HPSE2: variants seen among roughly 807,000 people sequenced by gnomAD.
HPSE2 encodes inactive heparanase-2.
HPSE2 carries 38 observed loss-of-function variants against 60.5 expected under a neutral mutation model. The observed-to-expected ratio is 0.63, with a 90% confidence interval of 0.48 to 0.82. The LOEUF (loss-of-function observed/expected upper bound fraction) is 0.82. Ranked by LOEUF, HPSE2 falls within the 40% of genes least tolerant of loss-of-function variation. The pLI is 0.00. For missense variants in HPSE2, 713 were observed against 740.4 expected (o/e 0.96, Z 0.43); for synonymous variants, 295 against 293.2 (o/e 1.01, Z -0.06).
the HPSE2 span, among the ~76,000 whole-genome samples, chr10:99,244,167 G>A: frequency 4.0e-5 from 6 of 151,164 alleles, no homozygotes; most frequent in East Asian, 2.0e-4. Context: ...ACAAGCGCCC[G>A]CCACCGTGCC....
chr10:98,695,600 C>T (rs1299499992), intron 5 of HPSE2, among the ~76,000 whole-genome samples: 1 of 152,160 alleles, frequency 6.6e-6, no homozygotes, highest in East Asian at 1.9e-4. Flanking sequence ...TTCCCTATTG[C>T]CTAGAGAAGT....
intron 3 of HPSE2, among the ~76,000 whole-genome samples, chr10:98,763,029 TAG>T (rs1269121119): frequency 6.6e-6 from 1 of 152,082 alleles, no homozygotes; most frequent in Non-Finnish European, 1.5e-5. Flanking sequence ...ATGAAAATTT[TAG>T]AGCTAAAATA....
At chr10:98,546,599 A>G (rs1047539862) in intron 9 of HPSE2, among the ~76,000 whole-genome samples, 2 of 151,700 alleles carry the variant, frequency 1.3e-5, no homozygotes, top group South Asian at 2.1e-4. Flanking sequence ...CTGGCTAGCC[A>G]TATGTAGAAA....
chr10:98,892,463 T>C (rs1181700588), intron 3 of HPSE2, among the ~76,000 whole-genome samples: 2 of 152,206 alleles, frequency 1.3e-5, no homozygotes, highest in Admixed American at 1.3e-4. Context: ...TGAGTGCTTA[T>C]CATGTTCAAG....
chr10:98,723,888 A>G (rs894155771), intron 4 of HPSE2, among the ~76,000 whole-genome samples: 3 of 151,524 alleles, frequency 2.0e-5, no homozygotes, highest in African/African-American at 7.3e-5. Flanking sequence ...GCGGTCTATC[A>G]ATTTTGTTGA....
At chr10:99,151,751 A>G (rs886313745) in intron 2 of HPSE2, among the ~76,000 whole-genome samples, 3 of 152,154 alleles carry the variant, frequency 2.0e-5, no homozygotes, top group Admixed American at 2.0e-4. Flanking sequence ...CTCTTAAAAA[A>G]AAATAAAGGA....
chr10:98,494,955 A>C lies in HPSE2; in HGVS notation c.1321-4759T>G, dbSNP rs1941781033. Among the ~76,000 whole-genome samples the C allele has an allele frequency of 3.3e-5, 5 of 152,218 alleles. No individual in the cohort carries two copies. In the South Asian group the frequency reaches 1.0e-3, roughly 32 times the overall value. ...ATAATGCCAGCTTGTATATTTGCTC[A>C]TATACTTAATATTTATTGAGATCTT... On this transcript the variant is annotated intron_variant, in intron 9 of 11. Coordinates refer to ENST00000370552, the MANE Select transcript of HPSE2 (RefSeq NM_021828.5).
At chr10:99,225,911 G>T (rs970884069) in intron 2 of HPSE2, among the ~76,000 whole-genome samples, 1 of 151,896 alleles carries the variant, frequency 6.6e-6, no homozygotes, top group Non-Finnish European at 1.5e-5. Context: ...AAGAAAAATA[G>T]ATTAGAATGT....
intron 3 of HPSE2, among the ~76,000 whole-genome samples, chr10:98,800,977 CA>C (rs373297710): frequency 6.6e-6 from 1 of 152,076 alleles, no homozygotes; most frequent in Admixed American, 6.5e-5. Context: ...AAATCCTCAA[CA>C]AAATACTAGC....
the HPSE2 span, among the ~76,000 whole-genome samples, chr10:99,305,727 C>A: frequency 1.2e-3 from 184 of 151,678 alleles, 5 homozygotes; most frequent in East Asian, 0.035. Context: ...ATACCTATGA[C>A]TTATATATAT....
At chr10:98,918,377 C>T (rs1210465124) in intron 3 of HPSE2, among the ~76,000 whole-genome samples, 1 of 151,808 alleles carries the variant, frequency 6.6e-6, no homozygotes, top group Non-Finnish European at 1.5e-5. Flanking sequence ...GACACATGCA[C>T]ACGTATGTTT....
chr10:99,033,929 A>G (rs1957554105), intron 3 of HPSE2, among the ~76,000 whole-genome samples: 1 of 152,236 alleles, frequency 6.6e-6, no homozygotes, highest in Non-Finnish European at 1.5e-5. Flanking sequence ...TCCTATAAAC[A>G]CACACTTACA....
intron 6 of HPSE2, among the ~76,000 whole-genome samples, chr10:98,661,457 T>A (rs75376494): frequency 0.041 from 6,315 of 152,306 alleles, 169 homozygotes; most frequent in Middle Eastern, 0.071. Flanking sequence ...TGACTTTATT[T>A]CCCTCCTTGG....
intron 3 of HPSE2, among the ~76,000 whole-genome samples, chr10:98,938,540 A>T (rs558501633): frequency 7.0e-6 from 1 of 143,658 alleles, no homozygotes; most frequent in Non-Finnish European, 1.5e-5. Context: ...GTTTAGAGAA[A>T]AAAGAATAAA....
chr10:99,287,176 C>T, the HPSE2 span, among the ~76,000 whole-genome samples: 2 of 152,012 alleles, frequency 1.3e-5, no homozygotes, highest in Non-Finnish European at 2.9e-5. Context: ...TTCAGGTCCT[C>T]TGAAAAGCAA....
At chr10:99,076,849 T>TGTTTTCAC (rs1207191629) in intron 3 of HPSE2, among the ~76,000 whole-genome samples, 2 of 152,258 alleles carry the variant, frequency 1.3e-5, no homozygotes, top group Non-Finnish European at 2.9e-5. Context: ...GGTGTCCTTT[T>TGTTTTCAC]GTTTTCACTT....
chr10:99,276,959 T>A, the HPSE2 span, among the ~76,000 whole-genome samples: 1 of 152,210 alleles, frequency 6.6e-6, no homozygotes, highest in East Asian at 1.9e-4. Flanking sequence ...CCGCTTAGAA[T>A]AGAAATATTA....
intron 9 of HPSE2, among the ~76,000 whole-genome samples, chr10:98,582,222 C>A (rs1007329410): frequency 6.6e-6 from 1 of 152,168 alleles, no homozygotes; most frequent in Non-Finnish European, 1.5e-5. Flanking sequence ...GGAAAGAGTA[C>A]AAGCTATGCT....
chr10:99,114,718 T>C (rs1047328622), intron 3 of HPSE2, among the ~76,000 whole-genome samples: 4 of 151,732 alleles, frequency 2.6e-5, no homozygotes, highest in Non-Finnish European at 4.4e-5. Context: ...ATCGAGACCA[T>C]CCTGGCTAAC....
Sources: gnomAD v4.1 joint callset for allele counts (sites outside exome capture counted in the v4.1 genomes callset) on GRCh38, gnomAD v4.1.1 for gene constraint, MANE v1.5 for transcripts, NCBI Gene and HGNC (gene_info 2026-07-23, HGNC 2026-07-21) for gene names.